CLNK: variants seen among roughly 807,000 people sequenced by gnomAD.
The protein encoded by CLNK is cytokine-dependent hematopoietic cell linker.
In CLNK, 74 loss-of-function variants were observed where a neutral mutation model predicts 68.6. The observed-to-expected ratio is 1.08, with a 90% CI of 0.89 to 1.31. The LOEUF is 1.31. Among genes scored for constraint, CLNK ranks in the 50% most tolerant of loss-of-function variants. The probability of loss-of-function intolerance (pLI) is 0.00; values close to 1 mark genes in which losing one functional copy is unlikely to be tolerated. For missense variants in CLNK, 553 were observed against 515.3 expected (o/e 1.07, Z -0.71); for synonymous variants, 198 against 172.2 (o/e 1.15, Z -1.17).
At position 10,490,429 on chromosome 4, in the gene CLNK, G is replaced by T. The variant is rs369683118; in HGVS notation, c.*38C>A. 1 of 1,597,964 alleles carries T rather than the reference G, an allele frequency of 6.3e-7. No homozygotes were observed. On this transcript the variant is annotated 3_prime_UTR_variant, in exon 19 of 19. Transcript: ENST00000226951. ...TGAAATCAATGAAAACAATGGAAGCGCTGAATCCAGTAAACCAAAGATAAC... is the reference window on the plus strand; with the variant it reads ...TGAAATCAATGAAAACAATGGAAGCTCTGAATCCAGTAAACCAAAGATAAC...
At chr4:10,545,800 T>C (rs75686099) in intron 8 of CLNK, among the ~76,000 whole-genome samples, 2,269 of 152,274 alleles carry the variant, frequency 0.015, 34 homozygotes, top group Middle Eastern at 0.037. Flanking sequence ...CCACAGCTCT[T>C]GCTTTCTGCA....
At chr4:10,634,749 A>G (rs1189458380) in intron 2 of CLNK, among the ~76,000 whole-genome samples, 1 of 152,178 alleles carries the variant, frequency 6.6e-6, no homozygotes, top group East Asian at 1.9e-4. Flanking sequence ...CTCCTGGAGA[A>G]CAATTTGGCT....
At position 10,643,523 on chromosome 4, in the gene CLNK, G is replaced by A. The variant is rs551474565; in HGVS notation, c.11+24336C>T. 3.9e-5 allele frequency among the ~76,000 whole-genome samples: 6 copies of A among 152,336 alleles called. No individual in the cohort carries two copies. In the East Asian group the frequency reaches 1.2e-3, roughly 29 times the overall value. ...TCTCATAACTTCCTGCTTCCACAAG[G>A]ATAGGTGCTGAAGTGACAAAGGAGA... On this transcript the variant is annotated intron_variant, in intron 2 of 18. Coordinates refer to ENST00000226951, the MANE Select transcript of CLNK (RefSeq NM_052964.4).
intron 14 of CLNK, among the ~76,000 whole-genome samples, chr4:10,525,461 C>T (rs1455418205): frequency 6.6e-6 from 1 of 152,210 alleles, no homozygotes; most frequent in Non-Finnish European, 1.5e-5. Flanking sequence ...TTCAACAACA[C>T]TTGGTCTTCT....
At chr4:10,495,446 G>T (rs1436910289) in intron 18 of CLNK, among the ~76,000 whole-genome samples, 4 of 152,162 alleles carry the variant, frequency 2.6e-5, no homozygotes, top group African/African-American at 9.7e-5. Flanking sequence ...GGATGGCAGG[G>T]ACTTGACATG....
At chr4:10,730,262 C>T in the CLNK span, among the ~76,000 whole-genome samples, 4 of 152,140 alleles carry the variant, frequency 2.6e-5, no homozygotes, top group Non-Finnish European at 4.4e-5. Flanking sequence ...TGTGGTGCTC[C>T]TGCAGTTTTC....
chr4:10,651,300 A>G (rs1008176845), intron 2 of CLNK, among the ~76,000 whole-genome samples: 4 of 152,224 alleles, frequency 2.6e-5, no homozygotes, highest in African/African-American at 9.7e-5. Context: ...AACCAACCCA[A>G]ATGCCCATCA....
At chr4:10,679,673 A>G (rs1205002318) in intron 1 of CLNK, among the ~76,000 whole-genome samples, 1 of 152,240 alleles carries the variant, frequency 6.6e-6, no homozygotes, top group Non-Finnish European at 1.5e-5. Flanking sequence ...TTACAAGAAA[A>G]AAAACAAACA....
At chr4:10,558,385 A>G (rs1324605565) in intron 8 of CLNK, 22 bp downstream of exon 8, 2 of 1,609,790 alleles carry the variant, frequency 1.2e-6, no homozygotes, top group South Asian at 1.1e-5. Flanking sequence ...TACATTTTAA[A>G]CTTCGATTAA....
intron 1 of CLNK, among the ~76,000 whole-genome samples, chr4:10,681,464 C>T (rs999609406): frequency 2.8e-4 from 42 of 152,292 alleles, no homozygotes; most frequent in African/African-American, 8.4e-4. Flanking sequence ...TAAAGATTAT[C>T]ATCCAATCAC....
chr4:10,591,225 T>C (rs1256743026), intron 3 of CLNK, among the ~76,000 whole-genome samples: 1 of 152,132 alleles, frequency 6.6e-6, no homozygotes, highest in Non-Finnish European at 1.5e-5. Flanking sequence ...ACACACAGCA[T>C]TGATTTGAGA....
intron 2 of CLNK, among the ~76,000 whole-genome samples, chr4:10,666,410 C>CTTTG (rs1326586742): frequency 6.6e-6 from 1 of 152,224 alleles, no homozygotes; most frequent in Admixed American, 6.5e-5. Flanking sequence ...AGTTCATCCC[C>CTTTG]TTTGTGGTGC....
chr4:10,627,114 A>G (rs959136751), intron 2 of CLNK, among the ~76,000 whole-genome samples: 3 of 152,120 alleles, frequency 2.0e-5, no homozygotes, highest in African/African-American at 7.2e-5. Flanking sequence ...TTTTTCTTTG[A>G]AGCTGTTGGC....
intron 8 of CLNK, among the ~76,000 whole-genome samples, chr4:10,557,372 C>T (rs1719719250): frequency 6.6e-6 from 1 of 152,130 alleles, no homozygotes. Flanking sequence ...TTGGGAAGCC[C>T]CAACAGGAGG....
At chr4:10,525,316 C>T (rs183092188) in intron 14 of CLNK, among the ~76,000 whole-genome samples, 38 of 152,272 alleles carry the variant, frequency 2.5e-4, no homozygotes, top group Non-Finnish European at 3.8e-4. Flanking sequence ...CCACCTGCCT[C>T]GGCCTCCCAA....
At chr4:10,642,661 A>G (rs577343597) in intron 2 of CLNK, among the ~76,000 whole-genome samples, 119 of 152,270 alleles carry the variant, frequency 7.8e-4, no homozygotes, top group African/African-American at 2.5e-3. Context: ...TCTATATGCC[A>G]AAAAAGGGGG....
chr4:10,516,566 T>C (rs185560403), intron 15 of CLNK, among the ~76,000 whole-genome samples: 1 of 150,580 alleles, frequency 6.6e-6, no homozygotes, highest in African/African-American at 2.5e-5. Flanking sequence ...TTTTTTTTTT[T>C]TCTGAGATGG....
the CLNK span, among the ~76,000 whole-genome samples, chr4:10,699,494 C>CTCTCTATATATATATA: frequency 3.3e-4 from 19 of 56,974 alleles, no homozygotes; most frequent in African/African-American, 1.5e-3. Context: ...CTCTCTCTCT[C>CTCTCTATATATATATA]TATATATATA....
Position 10,650,063 on chromosome 4 carries a change from T to C in CLNK, c.11+17796A>G, listed in dbSNP as rs141046153. 3.5e-3 allele frequency among the ~76,000 whole-genome samples: 540 copies of C among 152,174 alleles called. 6 individuals carry two copies. Among genetic ancestry groups the C allele is most frequent in the African/African-American group, 0.013 (521 of 41,506 alleles). On this transcript the variant is annotated intron_variant, in intron 2 of 18. Transcript: ENST00000226951. ...TTTAACTAAGGAAAAGGAACTTTCA[T>C]ATAAAAAATAAAAATGAGACATAAA...
Sources: gnomAD v4.1 joint callset for allele counts (sites outside exome capture counted in the v4.1 genomes callset) on GRCh38, gnomAD v4.1.1 for gene constraint, MANE v1.5 for transcripts, NCBI Gene and HGNC (gene_info 2026-07-23, HGNC 2026-07-21) for gene names.